Variants in GLT8D1 observed in about 807,000 individuals in gnomAD.
GLT8D1 encodes the protein glycosyltransferase 8 domain-containing protein 1.
GLT8D1 carries 41 observed loss-of-function variants against 46.2 expected under a neutral mutation model. That is an observed-to-expected ratio of 0.89 (90% CI 0.69 to 1.15). The LOEUF (loss-of-function observed/expected upper bound fraction) is 1.15. Ranked by LOEUF, GLT8D1 falls within the 50% of genes most tolerant of loss-of-function variation. The pLI, the probability that GLT8D1 is intolerant of heterozygous loss-of-function variation, is 0.00. For synonymous variants in GLT8D1, 150 were observed against 154.2 expected (o/e 0.97, Z 0.20); for missense variants, 408 against 449.3 (o/e 0.91, Z 0.83).
rs997065022 is a variant in GLT8D1, at chr3:52,695,125, C to G, written c.925+65G>C. The G allele has an allele frequency of 1.4e-5, 20 of 1,421,682 alleles. No individual in the cohort carries two copies. In the African/African-American group the frequency reaches 2.0e-4, roughly 14 times the overall value. The allele number at this position is 1,421,682 out of a possible 1,614,324, so 88.1% of individuals were successfully genotyped here. On this transcript the variant is annotated intron_variant, in intron 9 of 9. Transcript: ENST00000266014. ...AAGGGAAACAAAGAATATACCCCAT[C>G]CCTGAGGATAGTTCTTTAGATACCA...
In GLT8D1 at chr3:52,695,928, C is replaced by T. The variant is rs2097332928; in HGVS notation, c.645G>A (p.Gln215=). 1.9e-6 allele frequency: 3 copies of T among 1,559,964 alleles called. No homozygotes were observed. The highest frequency in any genetic ancestry group is 4.5e-5 in the East Asian group (2 of 44,592). The change falls in exon 7 of 10, where the codon CAG becomes CAA. Residue 215 remains glutamine (Q), a splice_region_variant and synonymous_variant. Transcript: ENST00000266014. The part of the protein sequence containing the change: ...TKVVIRGAGN[Q]YNYIGYLDYK... ...GAGGGGTGTTTGGTAAGCAATTTAC[C>T]TGGTTTCCTGCTCCACGGATGACAA...
At chr3:52,700,226 C>T (rs370542404) in intron 3 of GLT8D1, 36 bp downstream of exon 3, 100 of 1,305,608 alleles carry the variant, frequency 7.7e-5, no homozygotes, top group Non-Finnish European at 1.0e-4. Context: ...AGGTCCGCAA[C>T]AGATTCTAAG....
chr3:52,695,440 A>G lies in GLT8D1; in HGVS notation c.793T>C (p.Trp265Arg). The change falls in exon 8 of 10, where the codon TGG (tryptophan) becomes CGG (arginine). Residue 265 changes from tryptophan to arginine, a missense_variant. Physicochemically the swap from Trp to Arg is moderately radical, Grantham distance 101. Transcript: ENST00000266014. Reference protein sequence around the residue: ...RQNITNQLEKWMKLNVEEGLY... With the variant: ...RQNITNQLEKRMKLNVEEGLY... ...ACTTACTCTACATTGAGTTTCATCC[A>G]TTTTTCCAGTTGGTTAGTTATATTC... 6.2e-7 allele frequency: 1 copy of G among 1,613,638 alleles called. No homozygotes were observed. Among genetic ancestry groups the G allele is most frequent in the Non-Finnish European group, 8.5e-7 (1 of 1,179,812 alleles).
intron 1 of GLT8D1, chr3:52,704,582 G>A (rs1429213260): frequency 6.6e-6 from 1 of 151,476 alleles, no homozygotes; most frequent in Non-Finnish European, 1.5e-5. Flanking sequence ...ATAAACTCTT[G>A]CCCATCCCTC....
intron 9 of GLT8D1, 65 bp from the exon 10 acceptor site, chr3:52,695,100 A>ACTT: frequency 5.5e-6 from 8 of 1,451,866 alleles, no homozygotes; most frequent in South Asian, 1.1e-5. Context: ...AAACTTACTT[A>ACTT]AGGGAAACAA....
chr3:52,700,829 C>T lies in GLT8D1; in HGVS notation c.-36-333G>A, dbSNP rs181498522. Among the ~76,000 whole-genome samples, 617 of 152,072 alleles carry T rather than the reference C, an allele frequency of 4.1e-3. 3 individuals carry two copies. The highest frequency in any genetic ancestry group is 0.023 in the South Asian group (111 of 4,816). ...CTATAATCCCAGCACTTTGGGAGGCCGAGTGGGGTGGATCATGAGGTCAGG... is the reference window on the plus strand; with the variant it reads ...CTATAATCCCAGCACTTTGGGAGGCTGAGTGGGGTGGATCATGAGGTCAGG... On this transcript the variant is annotated intron_variant, in intron 1 of 9. Transcript: ENST00000266014.
chr3:52,699,663 C>T (rs2097337584), intron 3 of GLT8D1, among the ~76,000 whole-genome samples: 1 of 152,192 alleles, frequency 6.6e-6, no homozygotes, highest in East Asian at 1.9e-4. Context: ...TATAAACTTT[C>T]CTACCAGGAA....
intron 4 of GLT8D1, chr3:52,697,467 C>T (rs11130317): frequency 0.37 from 183,127 of 493,232 alleles, 36,457 homozygotes; most frequent in Admixed American, 0.48. Flanking sequence ...TATCAAAACA[C>T]CATCAGGTGG....
chr3:52,697,552 T>C, intron 4 of GLT8D1, 169 bp downstream of exon 4: 1 of 614,424 alleles, frequency 1.6e-6, no homozygotes, highest in Non-Finnish European at 2.9e-6. Flanking sequence ...ATTATGGGGA[T>C]ATGCTCATAA....
At position 52,695,412 on chromosome 3, in the gene GLT8D1, C is replaced by T. The variant is rs756645575; in HGVS notation, c.812+9G>A. 5.0e-6 allele frequency: 8 copies of T among 1,611,540 alleles called. No homozygotes were observed. In the African/African-American group the frequency reaches 8.0e-5, roughly 16 times the overall value. On this transcript the variant is annotated intron_variant, in intron 8 of 9. Coordinates refer to ENST00000266014, the MANE Select transcript of GLT8D1 (RefSeq NM_018446.4). ...CAGTTTTTCACAGCTAGGCCAGTTA[C>T]ATACTTACTCTACATTGAGTTTCAT...
In GLT8D1 at chr3:52,697,721, C is replaced by T. The variant is rs760658612; in HGVS notation, c.329G>A (p.Arg110Gln). The T allele has an allele frequency of 6.3e-6, 10 of 1,597,098 alleles. No individual in the cohort carries two copies. Among genetic ancestry groups the T allele is most frequent in the South Asian group, 1.1e-5 (1 of 90,798 alleles). The change falls in exon 4 of 10, where the codon CGG becomes CAG. Residue 110 changes from arginine (R) to glutamine (Q), a missense_variant and splice_region_variant. Arg to Gln is a conservative substitution (Grantham distance 43). Transcript: ENST00000266014. ...VTLNNTADHL[R>Q]SWLNSDSLKS... ...GCAGAATCACATAAGCAGAGCTCACCGGAGATGGTCTGCTGTATTGTTGAG... is the reference window on the plus strand; with the variant it reads ...GCAGAATCACATAAGCAGAGCTCACTGGAGATGGTCTGCTGTATTGTTGAG...
At chr3:52,695,610 T>C (rs372536488) in intron 7 of GLT8D1, 23 bp from the exon 8 acceptor site, 67 of 1,394,020 alleles carry the variant, frequency 4.8e-5, no homozygotes, top group Admixed American at 1.9e-4. Flanking sequence ...ATAGGATATA[T>C]GTACTTACTG....
At position 52,705,698 on chromosome 3, in the gene GLT8D1, C is replaced by G; in HGVS notation, c.-288G>C. 2.3e-6 allele frequency: 1 copy of G among 432,542 alleles called. No homozygotes were observed. The allele number at this position is 432,542 out of a possible 1,614,324, so 26.8% of individuals were successfully genotyped here. A position where few individuals can be genotyped will look rare whatever the true frequency, so the allele number is the denominator to read the frequency against. ...TTCCCTGCACGCTGGGCCGAGCACA[C>G]TTGCCCTCTAGCTCCGTGGCAGCCG... On this transcript the variant is annotated 5_prime_UTR_variant, in exon 1 of 10. Transcript: ENST00000266014.
Position 52,705,655 on chromosome 3 carries a change from G to A in GLT8D1, c.-245C>T. On this transcript the variant is annotated 5_prime_UTR_variant, in exon 1 of 10. In the 5' UTR this introduces an upstream ATG that the reference lacks. Transcript: ENST00000266014. ...CGCCGCAGGCCCCGGAGCCCAGCCC[G>A]TTGTCTGGCCGCCCGCGTTCCCTGC... 4.3e-6 allele frequency: 1 copy of A among 234,478 alleles called. No individual in the cohort carries two copies. The highest frequency in any genetic ancestry group is 7.4e-6 in the Non-Finnish European group (1 of 135,976). 14.5% of individuals were successfully genotyped at this position (234,478 alleles called of 1,614,324 possible).
In GLT8D1 at chr3:52,695,429, G is replaced by A; in HGVS notation, c.804C>T (p.Leu268=). 1 of 1,613,364 alleles carries A rather than the reference G, an allele frequency of 6.2e-7. No homozygotes were observed. The highest frequency in any genetic ancestry group is 8.5e-7 in the Non-Finnish European group (1 of 1,179,532). ...GCCAGTTACATACTTACTCTACATT[G>A]AGTTTCATCCATTTTTCCAGTTGGT... ...ITNQLEKWMK[L]NVEEGLYSRT... is the part of the protein sequence containing the mutation. Residue 268 remains leucine, a synonymous_variant, in exon 8 of 10, where the codon CTC becomes CTT. Coordinates refer to ENST00000266014, the MANE Select transcript of GLT8D1 (RefSeq NM_018446.4).
chr3:52,695,122 C>T (rs1445726739), intron 9 of GLT8D1, 68 bp downstream of exon 9: 1 of 1,421,704 alleles, frequency 7.0e-7, no homozygotes, highest in Middle Eastern at 1.8e-4. Flanking sequence ...GAATATACCC[C>T]ATCCCTGAGG....
At chr3:52,698,887 A>C (rs944122672) in intron 3 of GLT8D1, among the ~76,000 whole-genome samples, 1 of 152,088 alleles carries the variant, frequency 6.6e-6, no homozygotes, top group Non-Finnish European at 1.5e-5. Context: ...CTTTCTGAGG[A>C]TAGACAGCCA....
rs2097332010 is a variant in GLT8D1, at chr3:52,695,304, TTGG to T, written c.813-5_813-3del. The T allele has an allele frequency of 6.3e-7, 1 of 1,599,916 alleles. No individual in the cohort carries two copies. Among genetic ancestry groups the T allele is most frequent in the Non-Finnish European group, 8.6e-7 (1 of 1,168,492 alleles). On this transcript the variant is annotated splice_polypyrimidine_tract_variant and splice_region_variant and intron_variant, in intron 8 of 9. Coordinates refer to ENST00000266014, the MANE Select transcript of GLT8D1 (RefSeq NM_018446.4). The stretch of plus-strand genomic sequence containing the variant: ...AGGGTTCTGCTATACAGTCCCTCTC[TTGG>T]TGGGACAGAAAACAAATGTTTGTTA...
chr3:52,698,001 G>A, intron 3 of GLT8D1, 67 bp from the exon 4 acceptor site: 1 of 961,764 alleles, frequency 1.0e-6, no homozygotes, highest in African/African-American at 1.6e-5. Context: ...CCAAGACATG[G>A]AAAAAGGGAA....
Sources: allele counts gnomAD v4.1 joint callset (sites outside exome capture counted in the v4.1 genomes callset), GRCh38; gene constraint gnomAD v4.1.1; transcripts MANE v1.5; gene names NCBI Gene and HGNC (gene_info 2026-07-23, HGNC 2026-07-21).